The following C11orf65 variants were observed in gnomAD, a reference collection of about 807,000 sequenced individuals.
The protein encoded by C11orf65 is chromosome 11 open reading frame 65, also known as protein MFI.
Under a neutral mutation model 35.3 loss-of-function variants are expected in C11orf65, and 38 were observed. The ratio of observed to expected loss-of-function variants is 1.08; its 90% CI spans 0.83 to 1.41. C11orf65 has a LOEUF of 1.41. C11orf65 is among the 40% of genes most tolerant of loss of function. C11orf65 has a pLI of 0.00. For missense variants in C11orf65, 370 were observed against 367.1 expected (o/e 1.01, Z -0.06); for synonymous variants, 105 against 114.4 (o/e 0.92, Z 0.53).
At chr11:108,309,596 C>T (rs951307794) in intron 6 of C11orf65, among the ~76,000 whole-genome samples, 2 of 152,170 alleles carry the variant, frequency 1.3e-5, no homozygotes, top group African/African-American at 4.8e-5. Context: ...CCCATCTCTA[C>T]AATGCTAGTT....
downstream of C11orf65, among the ~76,000 whole-genome samples, chr11:108,326,463 T>C (rs528091587): frequency 6.6e-6 from 1 of 151,990 alleles, no homozygotes; most frequent in African/African-American, 2.4e-5. Flanking sequence ...ATCCCAGTAT[T>C]AAGCCTTTAA....
At chr11:108,335,687 A>G (rs1463756926) in intron 2 of C11orf65, among the ~76,000 whole-genome samples, 1 of 152,194 alleles carries the variant, frequency 6.6e-6, no homozygotes, top group African/African-American at 2.4e-5. Flanking sequence ...CTTATTCTAA[A>G]TGAAAGAATG....
chr11:108,383,959 C>T (rs1360710076), intron 8 of C11orf65, among the ~76,000 whole-genome samples: 2 of 151,032 alleles, frequency 1.3e-5, no homozygotes, highest in African/African-American at 4.9e-5. Flanking sequence ...ACCTCCTGGG[C>T]TCAAACAACT....
At chr11:108,329,197 G>C, downstream of C11orf65, 1 of 1,614,000 alleles carries the variant, frequency 6.2e-7, no homozygotes, top group African/African-American at 1.3e-5. Flanking sequence ...GAGCCAAAGA[G>C]GAAGTAGGTC....
chr11:108,358,589 C>T (rs1332608025), intron 2 of C11orf65, among the ~76,000 whole-genome samples: 3 of 120,136 alleles, frequency 2.5e-5, no homozygotes, highest in African/African-American at 9.4e-5. Flanking sequence ...AGACTAACAG[C>T]AGATCTCTCG....
downstream of C11orf65, among the ~76,000 whole-genome samples, chr11:108,381,246 T>C (rs1348152134): frequency 6.6e-6 from 1 of 152,148 alleles, no homozygotes; most frequent in Admixed American, 6.5e-5. Flanking sequence ...CTCTCAGTGA[T>C]CCCTTGGGAA....
intron 2 of C11orf65, among the ~76,000 whole-genome samples, chr11:108,446,402 A>G (rs952203640): frequency 2.0e-5 from 3 of 151,720 alleles, no homozygotes; most frequent in Non-Finnish European, 4.4e-5. Context: ...GTTACCCACA[A>G]AGGGAAGCCC....
intron 6 of C11orf65, among the ~76,000 whole-genome samples, chr11:108,399,462 T>C (rs1191314524): frequency 6.6e-6 from 1 of 152,180 alleles, no homozygotes; most frequent in Admixed American, 6.5e-5. Flanking sequence ...TATCTTTTGA[T>C]CATTTTCTAG....
chr11:108,344,308 CGA>C (rs1278273739), intron 2 of C11orf65, among the ~76,000 whole-genome samples: 1 of 151,860 alleles, frequency 6.6e-6, no homozygotes, highest in Non-Finnish European at 1.5e-5. Context: ...GTGTGTGAGC[CGA>C]GTTTTGTAAA....
chr11:108,327,065 C>T (rs2085750197), downstream of C11orf65, among the ~76,000 whole-genome samples: 1 of 152,086 alleles, frequency 6.6e-6, no homozygotes. Flanking sequence ...TGAGCTCAGG[C>T]AATCTACCCG....
At chr11:108,409,073 A>G (rs2092610278) in intron 3 of C11orf65, among the ~76,000 whole-genome samples, 1 of 152,168 alleles carries the variant, frequency 6.6e-6, no homozygotes, top group Non-Finnish European at 1.5e-5. Context: ...CAGCTCCATG[A>G]ATTTTTACAT....
At chr11:108,455,526 A>T (rs907743166) in intron 2 of C11orf65, among the ~76,000 whole-genome samples, 1 of 152,140 alleles carries the variant, frequency 6.6e-6, no homozygotes, top group African/African-American at 2.4e-5. Context: ...TTTATAAAAA[A>T]GCAATTAGAG....
In C11orf65 at chr11:108,421,993, G is replaced by A. The variant is rs143919278; in HGVS notation, c.174+9753C>T. Among the ~76,000 whole-genome samples, 430 of 152,222 alleles carry A rather than the reference G, an allele frequency of 2.8e-3. 3 individuals carry two copies. The highest frequency in any genetic ancestry group is 9.9e-3 in the African/African-American group (410 of 41,542). On this transcript the variant is annotated intron_variant, in intron 3 of 8. Transcript: ENST00000393084. ...GTCACCCGGGTTGGTGTGCAGTGGC[G>A]CAATCTCGGCTTGCTGCAACCTCTG...
chr11:108,455,312 T>C (rs1237774628), intron 2 of C11orf65, among the ~76,000 whole-genome samples: 1 of 152,206 alleles, frequency 6.6e-6, no homozygotes, highest in Non-Finnish European at 1.5e-5. Context: ...TTGTCTCTGT[T>C]TCCAGATGAC....
At chr11:108,341,671 G>A (rs1041660458) in intron 2 of C11orf65, among the ~76,000 whole-genome samples, 2 of 152,056 alleles carry the variant, frequency 1.3e-5, no homozygotes, top group Non-Finnish European at 2.9e-5. Context: ...ATATAATAAT[G>A]TTAATTAGAA....
chr11:108,460,493 G>A (rs1039249619), intron 2 of C11orf65, among the ~76,000 whole-genome samples: 4 of 152,084 alleles, frequency 2.6e-5, no homozygotes, highest in South Asian at 2.1e-4. Context: ...GAAGCTCCTC[G>A]AGAATAAGTA....
At chr11:108,371,444 C>T (rs1318471128) in intron 2 of C11orf65, among the ~76,000 whole-genome samples, 2 of 152,198 alleles carry the variant, frequency 1.3e-5, no homozygotes, top group Non-Finnish European at 2.9e-5. Flanking sequence ...CTGCATTTGA[C>T]ATTCAAGGTA....
At chr11:108,460,814 C>T (rs946773622) in intron 2 of C11orf65, among the ~76,000 whole-genome samples, 2 of 152,096 alleles carry the variant, frequency 1.3e-5, no homozygotes, top group African/African-American at 4.8e-5. Flanking sequence ...CAACCTCCGC[C>T]TCCCAAGTTC....
chr11:108,451,373 A>G (rs1189173453), intron 2 of C11orf65, among the ~76,000 whole-genome samples: 2 of 152,052 alleles, frequency 1.3e-5, no homozygotes, highest in Non-Finnish European at 2.9e-5. Context: ...ACAGACAAAC[A>G]GAGAGCCAAA....
Sources: gnomAD v4.1 joint callset for allele counts (sites outside exome capture counted in the v4.1 genomes callset) on GRCh38, gnomAD v4.1.1 for gene constraint, MANE v1.5 for transcripts, NCBI Gene and HGNC (gene_info 2026-07-23, HGNC 2026-07-21) for gene names.